Variants in ALDH1L1 observed in about 807,000 individuals in gnomAD.
ALDH1L1 encodes the protein cytosolic 10-formyltetrahydrofolate dehydrogenase.
A neutral mutation model predicts 101.1 loss-of-function variants in ALDH1L1; 68 were observed. The observed-to-expected ratio is 0.67, with a 90% confidence interval of 0.55 to 0.82. The LOEUF is 0.82. ALDH1L1 is among the 40% of genes least tolerant of loss of function. The pLI, the probability that ALDH1L1 is intolerant of heterozygous loss-of-function variation, is 0.00. For missense variants in ALDH1L1, 1,087 were observed against 1,172.7 expected (o/e 0.93, Z 1.07); for synonymous variants, 486 against 470.8 (o/e 1.03, Z -0.42).
At chr3:126,117,971 C>G in intron 17 of ALDH1L1, 34 bp downstream of exon 17, 1 of 1,581,322 alleles carries the variant, frequency 6.3e-7, no homozygotes, top group Non-Finnish European at 8.6e-7. Flanking sequence ...CAGCCCACAG[C>G]AGCCCCTCCT....
intron 1 of ALDH1L1, among the ~76,000 whole-genome samples, chr3:126,173,110 A>G (rs2081312122): frequency 6.6e-6 from 1 of 152,240 alleles, no homozygotes; most frequent in South Asian, 2.1e-4. Flanking sequence ...AAAAGAAGTA[A>G]TTCAGAAAAA....
chr3:126,120,484 T>C (rs939193956), intron 16 of ALDH1L1, among the ~76,000 whole-genome samples: 9 of 152,090 alleles, frequency 5.9e-5, no homozygotes, highest in African/African-American at 2.2e-4. Context: ...AGATAAAAGG[T>C]ATAGCACAGC....
chr3:126,109,230 A>G (rs1299779914), intron 20 of ALDH1L1, among the ~76,000 whole-genome samples: 1 of 152,184 alleles, frequency 6.6e-6, no homozygotes, highest in Non-Finnish European at 1.5e-5. Flanking sequence ...TGAGGAAGAC[A>G]GTCATGGCAC....
At chr3:126,104,840 T>G in intron 22 of ALDH1L1, 1 of 152,594 alleles carries the variant, frequency 6.6e-6, no homozygotes, top group East Asian at 1.9e-4. Flanking sequence ...TGACCTTCCC[T>G]GTGGTCTCTG....
chr3:126,137,006 A>G, intron 10 of ALDH1L1, 123 bp from the exon 11 acceptor site: 1 of 1,383,414 alleles, frequency 7.2e-7, no homozygotes, highest in Non-Finnish European at 9.8e-7. Context: ...AGCTGCATGT[A>G]GGCAACAGCT....
At chr3:126,181,036 G>A (rs950952984), upstream of ALDH1L1, 4 of 1,581,234 alleles carry the variant, frequency 2.5e-6, no homozygotes, top group African/African-American at 4.1e-5. Flanking sequence ...TTGCAGAGGC[G>A]GCCCCTTAGC....
rs778616036 is a variant in ALDH1L1, at chr3:126,130,257, G to A, written c.1660C>T (p.Arg554Cys). Residue 554 changes from arginine to cysteine, a missense_variant, in exon 14 of 23, where the codon CGC becomes TGC. Physicochemically the swap from Arg to Cys is radical, Grantham distance 180. Coordinates refer to ENST00000393434, the MANE Select transcript of ALDH1L1 (RefSeq NM_012190.4). ...TIPINQARPN[R>C]NLTLTRKEPV... ...TCCTTCCTGGTCAAGGTCAGGTTGC[G>A]GTTGGGTCTGGCCTGGTTGATGGGG... 32 of 1,610,428 alleles carry A rather than the reference G, an allele frequency of 2.0e-5. No individual in the cohort carries two copies. The highest frequency in any genetic ancestry group is 4.5e-5 in the East Asian group (2 of 44,534).
At chr3:126,104,389 G>A (rs1945787896) in intron 22 of ALDH1L1, 2 of 160,482 alleles carry the variant, frequency 1.2e-5, no homozygotes, top group Non-Finnish European at 2.7e-5. Context: ...GTCCCTCTGA[G>A]GTCCTGAGTC....
At chr3:126,126,421 C>T (rs954360044) in intron 14 of ALDH1L1, among the ~76,000 whole-genome samples, 1 of 152,198 alleles carries the variant, frequency 6.6e-6, no homozygotes, top group Non-Finnish European at 1.5e-5. Flanking sequence ...GACATCCACA[C>T]AGAGCCCCGT....
chr3:126,162,264 T>A (rs1482144111), intron 1 of ALDH1L1, among the ~76,000 whole-genome samples: 1 of 152,206 alleles, frequency 6.6e-6, no homozygotes, highest in Non-Finnish European at 1.5e-5. Context: ...TGTGAAAATT[T>A]CCAGCTTTAA....
Position 126,157,549 on chromosome 3 carries a change from G to A in ALDH1L1, c.363-41C>T, listed in dbSNP as rs1291833998. On this transcript the variant is annotated intron_variant, in intron 3 of 22. Coordinates refer to ENST00000393434, the MANE Select transcript of ALDH1L1 (RefSeq NM_012190.4). ...GTGAAACCTGGAGTCCACGATGAAG[G>A]GCCACGGAGGATGTCCTGGGTACAG... 4 of 1,597,306 alleles carry A rather than the reference G, an allele frequency of 2.5e-6. No individual in the cohort carries two copies. In the African/African-American group the frequency reaches 4.0e-5, roughly 16 times the overall value.
intron 12 of ALDH1L1, among the ~76,000 whole-genome samples, chr3:126,131,748 C>T (rs553393693): frequency 6.6e-6 from 1 of 152,390 alleles, no homozygotes; most frequent in African/African-American, 2.4e-5. Context: ...TCCCTCTCTC[C>T]TTTCCTCGAT....
chr3:126,141,569 A>G (rs1303384578), intron 9 of ALDH1L1, among the ~76,000 whole-genome samples: 1 of 152,128 alleles, frequency 6.6e-6, no homozygotes, highest in African/African-American at 2.4e-5. Flanking sequence ...AAAATCCATA[A>G]AGATATGAAA....
At chr3:126,165,122 G>A (rs1007483329) in intron 1 of ALDH1L1, among the ~76,000 whole-genome samples, 2 of 151,780 alleles carry the variant, frequency 1.3e-5, no homozygotes, top group Non-Finnish European at 2.9e-5. Context: ...TTTGTTTTTC[G>A]CTTATGGAAG....
chr3:126,112,257 G>C (rs1364407887), intron 19 of ALDH1L1, among the ~76,000 whole-genome samples: 1 of 152,184 alleles, frequency 6.6e-6, no homozygotes, highest in Non-Finnish European at 1.5e-5. Context: ...GAGCCTGACG[G>C]GAGCTACTCT....
At chr3:126,189,985 G>A (rs1484760550) in intron 1 of ALDH1L1, among the ~76,000 whole-genome samples, 1 of 152,204 alleles carries the variant, frequency 6.6e-6, no homozygotes, top group East Asian at 1.9e-4. Flanking sequence ...TAGTGTCATT[G>A]TGTTTGCAAT....
At chr3:126,173,017 G>A (rs1048109343) in intron 1 of ALDH1L1, among the ~76,000 whole-genome samples, 1 of 152,092 alleles carries the variant, frequency 6.6e-6, no homozygotes, top group Non-Finnish European at 1.5e-5. Context: ...CAGTAAAATT[G>A]TCCTTCAAAA....
chr3:126,181,318 A>G (rs9825571), upstream of ALDH1L1: 160,176 of 399,244 alleles, frequency 0.4, 33,271 homozygotes, highest in African/African-American at 0.49. Flanking sequence ...CTCCTGGAAC[A>G]CCCTTCCCAC....
chr3:126,194,084 T>C (rs746827885), intron 1 of ALDH1L1, among the ~76,000 whole-genome samples: 1 of 152,198 alleles, frequency 6.6e-6, no homozygotes, highest in Non-Finnish European at 1.5e-5. Flanking sequence ...CAATTAACTG[T>C]GGAAATGACT....
Sources: allele counts gnomAD v4.1 joint callset (sites outside exome capture counted in the v4.1 genomes callset), GRCh38; gene constraint gnomAD v4.1.1; transcripts MANE v1.5; gene names NCBI Gene and HGNC (gene_info 2026-07-23, HGNC 2026-07-21).